The following MEI4 variants were observed in gnomAD, a reference collection of about 807,000 sequenced individuals.
MEI4 encodes the protein meiotic double-stranded break formation protein 4.
Under a neutral mutation model 31.4 loss-of-function variants are expected in MEI4, and 27 were observed. That is an observed-to-expected ratio of 0.86 (90% CI 0.63 to 1.19). The LOEUF is 1.19. Among genes scored for constraint, MEI4 ranks in the 50% most tolerant of loss-of-function variants. The pLI, the probability that MEI4 is intolerant of heterozygous loss-of-function variation, is 0.00. For missense variants in MEI4, 329 were observed against 398.9 expected (o/e 0.82, Z 1.49); for synonymous variants, 122 against 145.4 (o/e 0.84, Z 1.16).
intron 1 of MEI4, among the ~76,000 whole-genome samples, chr6:77,677,524 AGTTAT>A (rs1195259896): frequency 6.6e-6 from 1 of 152,150 alleles, no homozygotes; most frequent in Non-Finnish European, 1.5e-5. Context: ...ATTTTACTTC[AGTTAT>A]GTCTTTTCTG....
At chr6:77,917,785 G>C (rs1291610645) in intron 4 of MEI4, among the ~76,000 whole-genome samples, 5 of 151,230 alleles carry the variant, frequency 3.3e-5, no homozygotes, top group Non-Finnish European at 7.4e-5. Context: ...GATACCATTT[G>C]TCAATTTTGT....
intron 2 of MEI4, among the ~76,000 whole-genome samples, chr6:77,695,129 ATTTG>A (rs1462392114): frequency 6.6e-6 from 1 of 151,992 alleles, no homozygotes; most frequent in East Asian, 1.9e-4. Flanking sequence ...TGTCTTGTAA[ATTTG>A]TTTGAGTTCA....
At chr6:77,867,378 G>T (rs1582234319) in intron 4 of MEI4, among the ~76,000 whole-genome samples, 1 of 149,600 alleles carries the variant, frequency 6.7e-6, no homozygotes, top group Non-Finnish European at 1.5e-5. Context: ...AAATTTACAA[G>T]AAATAACCCC....
At chr6:77,902,703 C>T (rs1365986400) in intron 4 of MEI4, among the ~76,000 whole-genome samples, 2 of 152,058 alleles carry the variant, frequency 1.3e-5, no homozygotes, top group African/African-American at 4.8e-5. Flanking sequence ...TATCTGATTG[C>T]CTCCTTTAGA....
intron 4 of MEI4, among the ~76,000 whole-genome samples, chr6:77,889,902 G>T (rs1262951082): frequency 4.6e-5 from 7 of 152,208 alleles, no homozygotes; most frequent in Non-Finnish European, 7.3e-5. Context: ...AGACTTGGAG[G>T]CTTACACGTG....
chr6:77,680,970 A>G (rs987498110), intron 1 of MEI4, among the ~76,000 whole-genome samples: 23 of 152,210 alleles, frequency 1.5e-4, no homozygotes, highest in African/African-American at 5.6e-4. Flanking sequence ...GCTTTACATA[A>G]TAGAAGTTAG....
chr6:77,736,223 C>T (rs1767207979), intron 2 of MEI4, among the ~76,000 whole-genome samples: 1 of 151,994 alleles, frequency 6.6e-6, no homozygotes. Flanking sequence ...GGCGGGCGCC[C>T]CTCCCCCAAC....
At chr6:77,681,253 C>T (rs1210004775) in intron 1 of MEI4, among the ~76,000 whole-genome samples, 1 of 152,062 alleles carries the variant, frequency 6.6e-6, no homozygotes, top group African/African-American at 2.4e-5. Flanking sequence ...TGTTTTTCAC[C>T]GCCAGGGTAT....
chr6:77,905,475 C>CTTTTTTTTTTTTTTTTTTTTTTTTTT (rs70974691), intron 4 of MEI4, among the ~76,000 whole-genome samples: 1 of 93,344 alleles, frequency 1.1e-5, no homozygotes, highest in Non-Finnish European at 2.1e-5. Flanking sequence ...AAATTTTCAG[C>CTTTTTTTTTTTTTTTTTTTTTTTTTT]TTTTTTTTTT....
At chr6:77,675,203 T>C (rs1768819255) in intron 1 of MEI4, among the ~76,000 whole-genome samples, 1 of 152,126 alleles carries the variant, frequency 6.6e-6, no homozygotes, top group Admixed American at 6.6e-5. Flanking sequence ...TTGTTATATA[T>C]TTTGCCCATT....
intron 4 of MEI4, among the ~76,000 whole-genome samples, chr6:77,850,013 GTTCAAA>G (rs776424073): frequency 1.4e-4 from 22 of 152,140 alleles, no homozygotes; most frequent in Non-Finnish European, 2.9e-4. Context: ...TGTTAAACAT[GTTCAAA>G]TTAGTTAGGC....
chr6:77,780,856 A>G (rs190419054), intron 3 of MEI4, among the ~76,000 whole-genome samples: 1 of 152,182 alleles, frequency 6.6e-6, no homozygotes, highest in Non-Finnish European at 1.5e-5. Flanking sequence ...TGCCAAAATC[A>G]TCAAGTATGC....
chr6:77,923,449 G>A lies in MEI4; in HGVS notation c.*103G>A. The A allele has an allele frequency of 1.1e-6, 1 of 886,648 alleles. No homozygotes were observed. Among genetic ancestry groups the A allele is most frequent in the Non-Finnish European group, 1.5e-6 (1 of 675,414 alleles). The allele number at this position is 886,648 out of a possible 1,614,324, so 54.9% of individuals were successfully genotyped here. On this transcript the variant is annotated 3_prime_UTR_variant, in exon 5 of 5. Coordinates refer to ENST00000684080, the MANE Select transcript of MEI4 (RefSeq NM_001322247.2). The stretch of plus-strand genomic sequence containing the variant: ...CAATAGTATTTTAATTAGCATTTTA[G>A]AATTGATCTCTAAATATAATTATCA...
In MEI4 at chr6:77,771,433, T is replaced by C. The variant is rs142783417; in HGVS notation, c.768+9768T>C. 1.4e-3 allele frequency among the ~76,000 whole-genome samples: 213 copies of C among 152,230 alleles called. 1 individual carries two copies. Among genetic ancestry groups the C allele is most frequent in the African/African-American group, 4.5e-3 (187 of 41,584 alleles). On this transcript the variant is annotated intron_variant, in intron 3 of 4. Coordinates refer to ENST00000684080, the MANE Select transcript of MEI4 (RefSeq NM_001322247.2). ...ACTATTTTACCTGGAAATTTCATTA[T>C]TGGGTATATACCCAAAGAAATATGA...
chr6:77,880,343 G>A (rs1469114557), intron 4 of MEI4, among the ~76,000 whole-genome samples: 1 of 151,400 alleles, frequency 6.6e-6, no homozygotes, highest in Non-Finnish European at 1.5e-5. Context: ...CCATTCTCCT[G>A]CCTCAGCCTC....
intron 4 of MEI4, among the ~76,000 whole-genome samples, chr6:77,844,035 GT>G (rs1478302483): frequency 6.6e-6 from 1 of 152,032 alleles, no homozygotes; most frequent in Admixed American, 6.6e-5. Flanking sequence ...TCCCTAAGGA[GT>G]TAAATCAAAG....
At chr6:77,728,039 TGAGA>T (rs1186372836) in intron 2 of MEI4, among the ~76,000 whole-genome samples, 3 of 152,290 alleles carry the variant, frequency 2.0e-5, no homozygotes, top group Admixed American at 6.5e-5. Flanking sequence ...CGAATGTGGT[TGAGA>T]GAGTGAAGGT....
intron 3 of MEI4, among the ~76,000 whole-genome samples, chr6:77,803,376 A>AT (rs1316675383): frequency 6.6e-6 from 1 of 151,690 alleles, no homozygotes; most frequent in Non-Finnish European, 1.5e-5. Context: ...CATTGGTCTA[A>AT]TTTTTTTTCA....
intron 2 of MEI4, among the ~76,000 whole-genome samples, chr6:77,713,743 A>G (rs184493600): frequency 6.6e-6 from 1 of 152,198 alleles, no homozygotes; most frequent in Non-Finnish European, 1.5e-5. Context: ...CTCTAATCTG[A>G]TTGCTATTCT....
Sources: gnomAD v4.1 joint callset for allele counts (sites outside exome capture counted in the v4.1 genomes callset) on GRCh38, gnomAD v4.1.1 for gene constraint, MANE v1.5 for transcripts, NCBI Gene and HGNC (gene_info 2026-07-23, HGNC 2026-07-21) for gene names.